The following STXBP4 variants were observed in gnomAD, a reference collection of about 807,000 sequenced individuals.
STXBP4 encodes the protein syntaxin-binding protein 4.
STXBP4 carries 55 observed loss-of-function variants against 76.1 expected under a neutral mutation model. The observed-to-expected ratio is 0.72, with a 90% confidence interval of 0.58 to 0.91. The LOEUF is 0.91. Ranked by LOEUF, STXBP4 falls within the 40% of genes least tolerant of loss-of-function variation. STXBP4 has a pLI of 0.00. For synonymous variants in STXBP4, 201 were observed against 220.2 expected (o/e 0.91, Z 0.77); for missense variants, 618 against 636.9 (o/e 0.97, Z 0.32).
chr17:55,031,629 A>G (rs1199162309), intron 9 of STXBP4, among the ~76,000 whole-genome samples: 6 of 152,118 alleles, frequency 3.9e-5, no homozygotes, highest in African/African-American at 1.2e-4. Flanking sequence ...AGCTAATATA[A>G]TATAGTAAAT....
At chr17:55,153,742 A>G (rs941392460) in intron 17 of STXBP4, among the ~76,000 whole-genome samples, 1 of 152,166 alleles carries the variant, frequency 6.6e-6, no homozygotes, top group Non-Finnish European at 1.5e-5. Flanking sequence ...CATTTTATGC[A>G]CTTCTACTCG....
At chr17:55,180,606 G>A in the STXBP4 span, among the ~76,000 whole-genome samples, 3 of 152,198 alleles carry the variant, frequency 2.0e-5, no homozygotes, top group African/African-American at 7.2e-5. Flanking sequence ...GACTTTACAG[G>A]TAAGGCAACC....
At chr17:55,149,470 TTCTA>T (rs2080191542) in intron 17 of STXBP4, among the ~76,000 whole-genome samples, 3 of 152,204 alleles carry the variant, frequency 2.0e-5, no homozygotes, top group Admixed American at 1.3e-4. Context: ...GGATAATAAT[TTCTA>T]TCTATCTCCC....
At chr17:55,196,000 TG>T in the STXBP4 span, among the ~76,000 whole-genome samples, 2 of 152,158 alleles carry the variant, frequency 1.3e-5, no homozygotes, top group African/African-American at 4.8e-5. Context: ...TCAGAAATCC[TG>T]CCATATCCCT....
intron 16 of STXBP4, among the ~76,000 whole-genome samples, chr17:55,089,643 A>G (rs2079384407): frequency 2.6e-5 from 4 of 152,162 alleles, no homozygotes; most frequent in South Asian, 2.1e-4. Context: ...TGTAGTTTCT[A>G]TTTGAAATAA....
intron 16 of STXBP4, among the ~76,000 whole-genome samples, chr17:55,096,743 G>T (rs574213637): frequency 3.3e-5 from 5 of 151,842 alleles, no homozygotes; most frequent in African/African-American, 9.7e-5. Context: ...GACTATTTGC[G>T]TAACAATACA....
In STXBP4 at chr17:55,127,386, G is replaced by A. The variant is rs145826850; in HGVS notation, c.1490-13924G>A. Among the ~76,000 whole-genome samples, 437 of 152,256 alleles carry A rather than the reference G, an allele frequency of 2.9e-3. 3 individuals carry two copies. Among genetic ancestry groups the A allele is most frequent in the African/African-American group, 0.01 (423 of 41,550 alleles). ...ATTGTTTTCAATTTGGAGCTAGTATGAATAAAACTGTTGTGAACATTCAAG... is the reference window on the plus strand; with the variant it reads ...ATTGTTTTCAATTTGGAGCTAGTATAAATAAAACTGTTGTGAACATTCAAG... On this transcript the variant is annotated intron_variant, in intron 16 of 17. Coordinates refer to ENST00000376352, the MANE Select transcript of STXBP4 (RefSeq NM_178509.6).
At chr17:55,053,995 T>A (rs539809858) in intron 12 of STXBP4, among the ~76,000 whole-genome samples, 68 of 152,290 alleles carry the variant, frequency 4.5e-4, no homozygotes, top group Middle Eastern at 3.4e-3. Context: ...AGCAGTTTTT[T>A]TCTTTTTCTA....
At chr17:55,060,091 C>T (rs891549587) in intron 12 of STXBP4, among the ~76,000 whole-genome samples, 2 of 152,108 alleles carry the variant, frequency 1.3e-5, no homozygotes, top group East Asian at 1.9e-4. Context: ...TGTATACAAA[C>T]CCACATGCAT....
chr17:55,072,780 A>G (rs2079136818), intron 12 of STXBP4, 120 bp from the exon 13 acceptor site: 3 of 657,058 alleles, frequency 4.6e-6, no homozygotes, highest in Non-Finnish European at 6.8e-6. Context: ...TGATAAATAA[A>G]TAATATATGT....
intron 8 of STXBP4, among the ~76,000 whole-genome samples, chr17:55,020,681 G>T (rs1450592028): frequency 1.3e-5 from 2 of 152,110 alleles, no homozygotes; most frequent in Non-Finnish European, 2.9e-5. Context: ...AGCCAGGCAT[G>T]GTGGCATGCA....
chr17:55,177,348 G>A (rs939102215), downstream of STXBP4, among the ~76,000 whole-genome samples: 13 of 152,184 alleles, frequency 8.5e-5, no homozygotes, highest in Middle Eastern at 3.4e-3. Context: ...TAAGCCTAGC[G>A]CCCTCACCTG....
chr17:55,080,026 G>A (rs1020326853), intron 15 of STXBP4, among the ~76,000 whole-genome samples: 3 of 152,080 alleles, frequency 2.0e-5, no homozygotes, highest in African/African-American at 7.2e-5. Context: ...AAAATAATCA[G>A]TAATCACATT....
intron 8 of STXBP4, 112 bp from the exon 9 acceptor site, chr17:55,031,056 G>A: frequency 1.3e-6 from 1 of 744,220 alleles, no homozygotes; most frequent in Non-Finnish European, 2.2e-6. Context: ...GTTTAATCCT[G>A]GTCGACTGTT....
At chr17:54,990,712 A>T (rs2077701478) in intron 3 of STXBP4, 113 bp from the exon 4 acceptor site, 2 of 1,285,232 alleles carry the variant, frequency 1.6e-6, no homozygotes, top group Non-Finnish European at 2.1e-6. Context: ...GTACCAAAAA[A>T]GGTGAGGGGT....
At chr17:55,028,935 A>G (rs2078459818) in intron 8 of STXBP4, among the ~76,000 whole-genome samples, 1 of 152,184 alleles carries the variant, frequency 6.6e-6, no homozygotes, top group Non-Finnish European at 1.5e-5. Context: ...ATTCAACAAT[A>G]TCTAATAAAA....
At position 55,084,807 on chromosome 17, in the gene STXBP4, T is replaced by G. The variant is rs181286011; in HGVS notation, c.1489+3624T>G. Among the ~76,000 whole-genome samples the G allele has an allele frequency of 7.0e-3, 1,071 of 152,316 alleles. 16 individuals carry two copies. The highest frequency in any genetic ancestry group is 0.024 in the African/African-American group (1,012 of 41,558). On this transcript the variant is annotated intron_variant, in intron 16 of 17. Coordinates refer to ENST00000376352, the MANE Select transcript of STXBP4 (RefSeq NM_178509.6). ...AGATAGTTGTAGATATGCGGCGTTA[T>G]TTCTGAGGGCTCTGTTCTGTTCCAT...
intron 17 of STXBP4, among the ~76,000 whole-genome samples, chr17:55,149,922 C>A (rs1445699003): frequency 6.6e-6 from 1 of 152,142 alleles, no homozygotes; most frequent in African/African-American, 2.4e-5. Context: ...AGCATCAAAG[C>A]CCCTTTTCCC....
At chr17:54,990,695 G>A in intron 3 of STXBP4, 130 bp from the exon 4 acceptor site, 2 of 1,105,282 alleles carry the variant, frequency 1.8e-6, no homozygotes, top group Non-Finnish European at 2.5e-6. Flanking sequence ...CATGAAACAA[G>A]TCCCTGGTAC....
Sources: gnomAD v4.1 joint callset for allele counts (sites outside exome capture counted in the v4.1 genomes callset) on GRCh38, gnomAD v4.1.1 for gene constraint, MANE v1.5 for transcripts, NCBI Gene and HGNC (gene_info 2026-07-23, HGNC 2026-07-21) for gene names.